RPH3A: variants seen among roughly 807,000 people sequenced by gnomAD.
RPH3A encodes rabphilin 3A, also known as rabphilin-3A.
Under a neutral mutation model 102.2 loss-of-function variants are expected in RPH3A, and 48 were observed. The observed-to-expected ratio is 0.47, with a 90% CI of 0.37 to 0.60. RPH3A has a LOEUF of 0.60. Ranked by LOEUF, RPH3A falls within the 20% of genes least tolerant of loss-of-function variation. RPH3A has a pLI of 0.00. For synonymous variants in RPH3A, 310 were observed against 324.3 expected, an observed-to-expected ratio of 0.96 and a Z score of 0.47; for missense variants, 781 against 910.1, an observed-to-expected ratio of 0.86 and a Z score of 1.83.
At chr12:112,605,458 C>A (rs2039589646) in intron 1 of RPH3A, among the ~76,000 whole-genome samples, 1 of 152,090 alleles carries the variant, frequency 6.6e-6, no homozygotes, top group Non-Finnish European at 1.5e-5. Context: ...CCAACAACAA[C>A]AAACCACTAG....
At position 112,792,262 on chromosome 12, in the gene RPH3A, C is replaced by T. The variant is rs562794561; in HGVS notation, c.-20C>T. 2.0e-5 allele frequency: 3 copies of T among 152,158 alleles called. No homozygotes were observed. The highest frequency in any genetic ancestry group is 2.9e-5 in the Non-Finnish European group (2 of 68,064). 9.4% of individuals were successfully genotyped at this position (152,158 alleles called of 1,614,324 possible). A position where few individuals can be genotyped will look rare whatever the true frequency, so the allele number is the denominator to read the frequency against. On this transcript the variant is annotated splice_region_variant and 5_prime_UTR_variant, in exon 2 of 22. Transcript: ENST00000389385. The stretch of plus-strand genomic sequence containing the variant: ...TTCCCCCTGCAAGCCTCCAGCGTCG[C>T]GGTAAGTGATATTCTCCCGGGTTGT...
rs192131342 is a variant in RPH3A at position 112,664,615 on chromosome 12, T to G, written c.-140+89296T>G. On this transcript the variant is annotated intron_variant, in intron 1 of 21. Coordinates refer to the RPH3A transcript ENST00000543106. ...TGGTTCCAGTGAATTGTCCTTGTCT[T>G]CATTATAAGGGAAAGAGAGAGAGGG... 1.1e-4 allele frequency among the ~76,000 whole-genome samples: 17 copies of G among 152,182 alleles called. No homozygotes were observed. The East Asian group carries it at 3.3e-3, about 29-fold the overall frequency.
intron 1 of RPH3A, among the ~76,000 whole-genome samples, chr12:112,713,071 T>A (rs939898928): frequency 3.6e-5 from 5 of 137,360 alleles, no homozygotes; most frequent in African/African-American, 1.1e-4. Flanking sequence ...CTTCTTCTTC[T>A]TCTTCTTCTT....
At chr12:112,896,581 A>G in intron 21 of RPH3A, 69 bp from the exon 22 acceptor site, 1 of 1,584,620 alleles carries the variant, frequency 6.3e-7, no homozygotes, top group Non-Finnish European at 8.6e-7. Context: ...TTTTTCCCCA[A>G]CTACACATTT....
intron 1 of RPH3A, among the ~76,000 whole-genome samples, chr12:112,678,074 G>A (rs1169527060): frequency 6.6e-6 from 1 of 151,732 alleles, no homozygotes; most frequent in East Asian, 1.9e-4. Flanking sequence ...GTGCATGCCT[G>A]TAGTCCCAGC....
intron 1 of RPH3A, among the ~76,000 whole-genome samples, chr12:112,601,698 G>A (rs549290007): frequency 6.6e-5 from 10 of 152,268 alleles, no homozygotes; most frequent in South Asian, 4.1e-4. Flanking sequence ...TTGGGAGGCC[G>A]AGGTGGGCGG....
chr12:112,633,031 A>T (rs900226536), intron 1 of RPH3A, among the ~76,000 whole-genome samples: 4 of 147,674 alleles, frequency 2.7e-5, no homozygotes, highest in South Asian at 2.1e-4. Context: ...TGTCTCTCTA[A>T]AAAAAAAAAA....
At chr12:112,886,558 T>G (rs901800391) in intron 16 of RPH3A, among the ~76,000 whole-genome samples, 1 of 152,154 alleles carries the variant, frequency 6.6e-6, no homozygotes, top group South Asian at 2.1e-4. Context: ...CCTCCTCCTG[T>G]GCAGCCAGGT....
chr12:112,835,592 A>G (rs1051794079), intron 3 of RPH3A, among the ~76,000 whole-genome samples: 4 of 152,288 alleles, frequency 2.6e-5, no homozygotes, highest in African/African-American at 7.2e-5. Flanking sequence ...ATTTTCCAAT[A>G]AATGCTAATG....
intron 2 of RPH3A, among the ~76,000 whole-genome samples, chr12:112,795,241 T>C (rs554993322): frequency 1.6e-4 from 25 of 152,334 alleles, no homozygotes; most frequent in African/African-American, 5.8e-4. Flanking sequence ...TCTTCTGCCC[T>C]TCACCCTCAT....
At chr12:112,702,577 C>G (rs1381921375) in intron 1 of RPH3A, among the ~76,000 whole-genome samples, 5 of 152,246 alleles carry the variant, frequency 3.3e-5, no homozygotes, top group African/African-American at 1.2e-4. Context: ...CCTTCATGCT[C>G]TTTGCCCTGT....
At chr12:112,854,559 C>T (rs2042377627) in intron 5 of RPH3A, among the ~76,000 whole-genome samples, 1 of 152,220 alleles carries the variant, frequency 6.6e-6, no homozygotes, top group Non-Finnish European at 1.5e-5. Context: ...GTGGTGGGGA[C>T]TGGGATTATG....
intron 1 of RPH3A, among the ~76,000 whole-genome samples, chr12:112,590,858 A>G (rs981325695): frequency 1.3e-5 from 2 of 151,822 alleles, no homozygotes; most frequent in Non-Finnish European, 2.9e-5. Context: ...CCCAGGCTGG[A>G]CTGCAATCAT....
At chr12:112,786,414 T>C (rs1367649874) in intron 1 of RPH3A, among the ~76,000 whole-genome samples, 1 of 152,206 alleles carries the variant, frequency 6.6e-6, no homozygotes, top group Non-Finnish European at 1.5e-5. Flanking sequence ...CCAATCTCTC[T>C]GTTTCGTTTA....
rs377528403 is a variant in RPH3A at position 112,875,133 on chromosome 12, G to A, written c.846G>A (p.Ser282=). The A allele has an allele frequency of 9.3e-6, 15 of 1,609,498 alleles. No individual in the cohort carries two copies. Among genetic ancestry groups the A allele is most frequent in the Admixed American group, 3.4e-5 (2 of 59,578 alleles). ...SVQASRPAPG[S]VQSPAPPQPG... ...AGGCCTCCAGACCTGCCCCAGGCTC[G>A]GTGCAGAGCCCAGCGCCACCTCAGC... Residue 282 remains serine, a synonymous_variant, in exon 11 of 22, where the codon TCG becomes TCA. Transcript: ENST00000389385.
chr12:112,578,022 C>A (rs529382004), intron 1 of RPH3A, among the ~76,000 whole-genome samples: 4 of 152,124 alleles, frequency 2.6e-5, no homozygotes, highest in Admixed American at 2.0e-4. Flanking sequence ...ATCTCTCTTC[C>A]CCTCTGAGTT....
chr12:112,831,803 A>G (rs1037708931), intron 3 of RPH3A: 3 of 455,800 alleles, frequency 6.6e-6, no homozygotes, highest in Non-Finnish European at 1.3e-5. Flanking sequence ...GTCTGTTAAG[A>G]GTCTTAAGCC....
At chr12:112,884,198 A>G (rs925377216) in intron 16 of RPH3A, among the ~76,000 whole-genome samples, 5 of 152,230 alleles carry the variant, frequency 3.3e-5, no homozygotes, top group Admixed American at 2.0e-4. Context: ...TGTAGAATAT[A>G]CTAAAACAAA....
intron 1 of RPH3A, among the ~76,000 whole-genome samples, chr12:112,736,340 A>G (rs769805889): frequency 1.2e-4 from 18 of 152,136 alleles, no homozygotes; most frequent in Non-Finnish European, 8.8e-5. Context: ...CAGCTTCTTC[A>G]TTGTTTACCT....
Sources: allele counts gnomAD v4.1 joint callset (sites outside exome capture counted in the v4.1 genomes callset), GRCh38; gene constraint gnomAD v4.1.1; transcripts MANE v1.5; gene names NCBI Gene and HGNC (gene_info 2026-07-23, HGNC 2026-07-21).